SHISA9: variants seen among roughly 807,000 people sequenced by gnomAD.
SHISA9 encodes the protein shisa family member 9, also known as protein shisa-9.
A neutral mutation model predicts 38.0 loss-of-function variants in SHISA9; 13 were observed. The observed-to-expected ratio is 0.34, with a 90% CI of 0.22 to 0.54. SHISA9 has a LOEUF of 0.54. Among genes scored for constraint, SHISA9 ranks in the 20% least tolerant of loss-of-function variants. The pLI is 0.91. For missense variants in SHISA9, 538 were observed against 575.8 expected (o/e 0.93, Z 0.67); for synonymous variants, 275 against 242.0 (o/e 1.14, Z -1.27).
At chr16:12,943,939 AATTT>A (rs1449053005) in intron 2 of SHISA9, among the ~76,000 whole-genome samples, 1 of 152,138 alleles carries the variant, frequency 6.6e-6, no homozygotes, top group African/African-American at 2.4e-5. Flanking sequence ...CATTTTTAAT[AATTT>A]ATTTATTTCT....
intron 2 of SHISA9, among the ~76,000 whole-genome samples, chr16:13,163,190 G>A (rs917097460): frequency 6.6e-6 from 1 of 152,232 alleles, no homozygotes; most frequent in Middle Eastern, 3.4e-3. Context: ...CACTAAAAAA[G>A]AAATGAGAAA....
At chr16:13,176,627 T>C (rs979494868) in intron 2 of SHISA9, among the ~76,000 whole-genome samples, 5 of 152,048 alleles carry the variant, frequency 3.3e-5, no homozygotes, top group African/African-American at 1.2e-4. Flanking sequence ...AGCCCAAGGC[T>C]TGGCCCCCTC....
intron 2 of SHISA9, among the ~76,000 whole-genome samples, chr16:12,970,034 G>A (rs1013077379): frequency 2.6e-5 from 4 of 151,700 alleles, no homozygotes; most frequent in African/African-American, 9.7e-5. Flanking sequence ...TTCATGGATA[G>A]CCCTAATTTT....
chr16:13,335,171 T>C, the SHISA9 span, among the ~76,000 whole-genome samples: 1 of 152,232 alleles, frequency 6.6e-6, no homozygotes, highest in African/African-American at 2.4e-5. Flanking sequence ...GGCTGGCCAA[T>C]TAACTTGAGC....
intron 2 of SHISA9, among the ~76,000 whole-genome samples, chr16:13,112,874 C>A (rs1340273971): frequency 6.6e-6 from 1 of 152,004 alleles, no homozygotes; most frequent in Admixed American, 6.5e-5. Context: ...GAATTAGGGT[C>A]TCTTTTTACC....
At chr16:13,371,259 G>A in the SHISA9 span, among the ~76,000 whole-genome samples, 1 of 152,176 alleles carries the variant, frequency 6.6e-6, no homozygotes, top group Non-Finnish European at 1.5e-5. Flanking sequence ...TATTCAGTCT[G>A]CAGACATTTA....
intron 2 of SHISA9, among the ~76,000 whole-genome samples, chr16:13,129,679 T>C (rs2050290763): frequency 6.6e-6 from 1 of 152,180 alleles, no homozygotes; most frequent in Non-Finnish European, 1.5e-5. Flanking sequence ...TCACATGGCT[T>C]TCTTTGGAGG....
chr16:12,979,997 G>A (rs2072219518), intron 2 of SHISA9, among the ~76,000 whole-genome samples: 1 of 152,162 alleles, frequency 6.6e-6, no homozygotes, highest in Non-Finnish European at 1.5e-5. Flanking sequence ...GGTTGTGAAT[G>A]GGGTTTAAGT....
At chr16:13,019,874 CCCTCCCTCCCTTCTTTCTTTCTTT>C (rs1388574785) in intron 2 of SHISA9, among the ~76,000 whole-genome samples, 65 of 33,272 alleles carry the variant, frequency 2.0e-3, no homozygotes, top group African/African-American at 5.5e-3. Context: ...CTCCCTCCCT[CCCTCCCTCCCTTCTTTCTTTCTTT>C]CTTTCTTTCT....
chr16:13,174,191 T>C (rs962533847), intron 2 of SHISA9, among the ~76,000 whole-genome samples: 1 of 152,204 alleles, frequency 6.6e-6, no homozygotes, highest in African/African-American at 2.4e-5. Flanking sequence ...TTTGTTGTTT[T>C]GGTTTGTTTT....
At chr16:13,155,901 C>CAGTTGCCG (rs977376062) in intron 2 of SHISA9, among the ~76,000 whole-genome samples, 15 of 151,300 alleles carry the variant, frequency 9.9e-5, no homozygotes, top group African/African-American at 2.9e-4. Flanking sequence ...TGCTTGGAAA[C>CAGTTGCCG]AGTTGCCGAG....
chr16:13,392,020 G>C, the SHISA9 span, among the ~76,000 whole-genome samples: 1 of 152,306 alleles, frequency 6.6e-6, no homozygotes, highest in African/African-American at 2.4e-5. Flanking sequence ...TGCTGCCAGT[G>C]ATTGTGGAGG....
chr16:13,303,215 A>G, the SHISA9 span, among the ~76,000 whole-genome samples: 1 of 152,218 alleles, frequency 6.6e-6, no homozygotes, highest in Non-Finnish European at 1.5e-5. Context: ...GAACAATTCT[A>G]CTTCTAAGTA....
chr16:13,280,446 C>G, the SHISA9 span, among the ~76,000 whole-genome samples: 3 of 151,710 alleles, frequency 2.0e-5, no homozygotes, highest in East Asian at 5.8e-4. Flanking sequence ...ATGGATTTCC[C>G]TCTAAGGACT....
At chr16:13,326,180 C>A in the SHISA9 span, among the ~76,000 whole-genome samples, 1 of 151,976 alleles carries the variant, frequency 6.6e-6, no homozygotes, top group African/African-American at 2.4e-5. Flanking sequence ...CCCTGCCTTT[C>A]CCCTATTCAG....
chr16:12,963,791 G>C (rs1454628534), intron 2 of SHISA9, among the ~76,000 whole-genome samples: 1 of 152,152 alleles, frequency 6.6e-6, no homozygotes, highest in African/African-American at 2.4e-5. Flanking sequence ...GGAAGCTTTT[G>C]AGTTGAGTTG....
At chr16:13,072,569 G>A (rs548358481) in intron 2 of SHISA9, among the ~76,000 whole-genome samples, 2 of 152,268 alleles carry the variant, frequency 1.3e-5, no homozygotes, top group African/African-American at 4.8e-5. Context: ...CAGCTCCTAC[G>A]CTTGCATGTA....
At chr16:13,557,919 C>G in the SHISA9 span, among the ~76,000 whole-genome samples, 2 of 152,070 alleles carry the variant, frequency 1.3e-5, no homozygotes, top group Non-Finnish European at 2.9e-5. Context: ...CATTTTTGCC[C>G]TTTCCTCTGC....
the SHISA9 span, among the ~76,000 whole-genome samples, chr16:13,469,442 A>AAAAAGAAAGGAAGAGAAAGG: frequency 4.6e-5 from 7 of 151,092 alleles, no homozygotes; most frequent in East Asian, 9.9e-4. Flanking sequence ...AAAGAGAAAG[A>AAAAAGAAAGGAAGAGAAAGG]AAGAGAAAGA....
Sources: gnomAD v4.1 joint callset for allele counts (sites outside exome capture counted in the v4.1 genomes callset) on GRCh38, gnomAD v4.1.1 for gene constraint, MANE v1.5 for transcripts, NCBI Gene and HGNC (gene_info 2026-07-23, HGNC 2026-07-21) for gene names.